The following CRPPA variants were observed in gnomAD, a reference collection of about 807,000 sequenced individuals.
CRPPA encodes the protein D-ribitol-5-phosphate cytidylyltransferase.
In CRPPA, 43 loss-of-function variants were observed where a neutral mutation model predicts 52.0. The observed-to-expected ratio is 0.83, with a 90% CI of 0.65 to 1.07. The LOEUF (loss-of-function observed/expected upper bound fraction) is 1.07, where lower values mean the gene tolerates loss of function less well. Among genes scored for constraint, CRPPA ranks in the 50% least tolerant of loss-of-function variants. The probability of loss-of-function intolerance (pLI) is 0.00; values close to 1 mark genes in which losing one functional copy is unlikely to be tolerated. For synonymous variants in CRPPA, 250 were observed against 203.5 expected (o/e 1.23, Z -1.94); for missense variants, 629 against 551.7 (o/e 1.14, Z -1.40).
chr7:16,113,486 T>TA (rs554554673), intron 9 of CRPPA, among the ~76,000 whole-genome samples: 20 of 152,068 alleles, frequency 1.3e-4, no homozygotes, highest in African/African-American at 4.8e-4. Context: ...CAAGGTGGAT[T>TA]AAAAAAATCA....
At chr7:16,350,336 A>C (rs1340560916) in intron 3 of CRPPA, among the ~76,000 whole-genome samples, 3 of 152,166 alleles carry the variant, frequency 2.0e-5, no homozygotes, top group African/African-American at 7.2e-5. Flanking sequence ...GTACATTGTC[A>C]AATCCAAAAC....
chr7:16,389,923 AAAAAAATATATATAT>A (rs1382950128), intron 2 of CRPPA, among the ~76,000 whole-genome samples: 3 of 81,078 alleles, frequency 3.7e-5, no homozygotes, highest in African/African-American at 5.2e-5. Context: ...CAAAAAAAAA[AAAAAAATATATATAT>A]ATATATATAT....
chr7:16,317,479 G>A (rs935508770), intron 3 of CRPPA, among the ~76,000 whole-genome samples: 4 of 152,278 alleles, frequency 2.6e-5, no homozygotes, highest in South Asian at 4.1e-4. Flanking sequence ...CAGGGAGATT[G>A]AGGGTTGCTC....
At chr7:16,390,911 T>C (rs1787424655) in intron 2 of CRPPA, among the ~76,000 whole-genome samples, 1 of 152,204 alleles carries the variant, frequency 6.6e-6, no homozygotes, top group Admixed American at 6.5e-5. Flanking sequence ...GTTTGGTCTG[T>C]TAGGCTTAGT....
rs1397179710 is a variant in CRPPA, at chr7:16,299,397, C to T, written c.835+2024G>A. Among the ~76,000 whole-genome samples, 4 of 152,272 alleles carry T rather than the reference C, an allele frequency of 2.6e-5. No individual in the cohort carries two copies. In the East Asian group the frequency reaches 7.7e-4, roughly 29 times the overall value. The stretch of plus-strand genomic sequence containing the variant: ...AATAAACCTATAAAAGACTGAGGAG[C>T]AGCCTAGAGGAAGATGTCTGGAATT... On this transcript the variant is annotated intron_variant, in intron 5 of 9. Transcript: ENST00000407010.
intron 2 of CRPPA, among the ~76,000 whole-genome samples, chr7:16,394,058 ACTT>A (rs1257860075): frequency 2.0e-5 from 3 of 152,130 alleles, no homozygotes; most frequent in South Asian, 2.1e-4. Context: ...GGCAACTTGA[ACTT>A]CTTTTACGTT....
rs1583476462 is a variant in CRPPA, at chr7:16,262,985, G to GTTTT, written c.934-3974_934-3973insAAAA. On this transcript the variant is annotated intron_variant, in intron 6 of 9. Coordinates refer to ENST00000407010, the MANE Select transcript of CRPPA (RefSeq NM_001101426.4). ...AATGGAGAAGGAAGATTTTATGAAT[G>GTTTT]ATCTTTATCATATTTACCTGGCTGT... Among the ~76,000 whole-genome samples the GTTTT allele has an allele frequency of 4.6e-5, 7 of 152,204 alleles. No individual in the cohort carries two copies. In the East Asian group the frequency reaches 1.4e-3, roughly 29 times the overall value.
At chr7:16,295,110 G>A (rs1035326886) in intron 5 of CRPPA, among the ~76,000 whole-genome samples, 2 of 151,984 alleles carry the variant, frequency 1.3e-5, no homozygotes, top group Non-Finnish European at 2.9e-5. Context: ...AGTATATTTA[G>A]CTACTTTCAA....
At chr7:16,206,877 G>C (rs755593879) in intron 9 of CRPPA, among the ~76,000 whole-genome samples, 1 of 152,004 alleles carries the variant, frequency 6.6e-6, no homozygotes, top group Non-Finnish European at 1.5e-5. Flanking sequence ...TTAGCACATT[G>C]TCACTTTCCA....
At chr7:16,383,488 C>T (rs185945043) in intron 2 of CRPPA, among the ~76,000 whole-genome samples, 41 of 152,328 alleles carry the variant, frequency 2.7e-4, no homozygotes, top group Middle Eastern at 3.4e-3. Flanking sequence ...CTCAATACTC[C>T]AGCTGTGTGC....
At chr7:16,185,110 T>G (rs1781480676) in intron 9 of CRPPA, among the ~76,000 whole-genome samples, 1 of 152,134 alleles carries the variant, frequency 6.6e-6, no homozygotes, top group Non-Finnish European at 1.5e-5. Context: ...TACCCAAGAC[T>G]GGGAAATTTA....
intron 9 of CRPPA, among the ~76,000 whole-genome samples, chr7:16,176,015 T>C (rs1221984168): frequency 6.6e-6 from 1 of 152,140 alleles, no homozygotes; most frequent in African/African-American, 2.4e-5. Context: ...ATTGTGGGAA[T>C]AGTAGGCCCC....
At chr7:16,158,126 C>T (rs952541546) in intron 9 of CRPPA, among the ~76,000 whole-genome samples, 16 of 151,430 alleles carry the variant, frequency 1.1e-4, no homozygotes, top group African/African-American at 1.7e-4. Flanking sequence ...CCTCGTGATC[C>T]GCCCACTTCG....
chr7:16,211,141 G>A (rs1469453904), intron 9 of CRPPA, among the ~76,000 whole-genome samples: 1 of 152,150 alleles, frequency 6.6e-6, no homozygotes, highest in Non-Finnish European at 1.5e-5. Context: ...GAAGGTGTGT[G>A]TTTAATATTG....
chr7:16,159,993 T>C (rs1380869482), intron 9 of CRPPA, among the ~76,000 whole-genome samples: 1 of 152,248 alleles, frequency 6.6e-6, no homozygotes, highest in African/African-American at 2.4e-5. Flanking sequence ...AAAGTGTCTG[T>C]TCATATCCTT....
chr7:16,323,125 T>G (rs1309023092), intron 3 of CRPPA, among the ~76,000 whole-genome samples: 2 of 152,204 alleles, frequency 1.3e-5, no homozygotes, highest in East Asian at 3.9e-4. Flanking sequence ...GGTGGGGACA[T>G]AGCCAAACCA....
intron 9 of CRPPA, among the ~76,000 whole-genome samples, chr7:16,117,822 C>T (rs1527202): frequency 6.6e-6 from 1 of 152,036 alleles, no homozygotes; most frequent in African/African-American, 2.4e-5. Flanking sequence ...TGCCCATACA[C>T]GTCAGTTCCA....
intron 9 of CRPPA, among the ~76,000 whole-genome samples, chr7:16,144,227 A>C (rs1030356368): frequency 4.6e-5 from 7 of 152,206 alleles, no homozygotes; most frequent in Admixed American, 6.5e-5. Flanking sequence ...AGCCCCTTTC[A>C]CCAAAAATCC....
At chr7:16,375,235 G>A (rs1319546710) in intron 3 of CRPPA, among the ~76,000 whole-genome samples, 1 of 151,934 alleles carries the variant, frequency 6.6e-6, no homozygotes, top group Non-Finnish European at 1.5e-5. Context: ...AATCCTTATG[G>A]CCACTCTTCT....
Sources: gnomAD v4.1 joint callset for allele counts (sites outside exome capture counted in the v4.1 genomes callset) on GRCh38, gnomAD v4.1.1 for gene constraint, MANE v1.5 for transcripts, NCBI Gene and HGNC (gene_info 2026-07-23, HGNC 2026-07-21) for gene names.